The following SOX5 variants were observed in gnomAD, a reference collection of about 807,000 sequenced individuals.
SOX5 encodes the protein SRY-box transcription factor 5, also known as transcription factor SOX-5.
In SOX5, 9 loss-of-function variants were observed where a neutral mutation model predicts 92.0. The ratio of observed to expected loss-of-function variants is 0.10; its 90% confidence interval spans 0.06 to 0.17. The LOEUF is 0.17. Ranked by LOEUF, SOX5 falls within the 10% of genes least tolerant of loss-of-function variation. The probability of loss-of-function intolerance (pLI) is 1.00; values close to 1 mark genes in which losing one functional copy is unlikely to be tolerated. For synonymous variants in SOX5, 344 were observed against 336.3 expected, an observed-to-expected ratio of 1.02 and a Z score of -0.25; for missense variants, 642 against 944.5, an observed-to-expected ratio of 0.68 and a Z score of 4.20.
intron 1 of SOX5, among the ~76,000 whole-genome samples, chr12:24,407,039 G>A (rs17508852): frequency 0.094 from 14,293 of 152,024 alleles, 851 homozygotes; most frequent in Non-Finnish European, 0.12. Context: ...AAAGGATCTC[G>A]TGCCATAGCA....
chr12:23,908,750 A>G (rs1402122994), intron 1 of SOX5, among the ~76,000 whole-genome samples: 1 of 152,050 alleles, frequency 6.6e-6, no homozygotes, highest in African/African-American at 2.4e-5. Flanking sequence ...TATCAACCCA[A>G]ACTCCAAAAC....
rs773810060 is a variant in SOX5, at chr12:24,224,236, C to T, written c.-76-10819G>A. On this transcript the variant is annotated intron_variant, in intron 3 of 4. Transcript: ENST00000446891. ...TGTGCCGCTTCACTCAATTAGTGGA[C>T]GAGGCTTTTAATGCTGCTCTGCACA... 2.6e-5 allele frequency among the ~76,000 whole-genome samples: 4 copies of T among 152,118 alleles called. No individual in the cohort carries two copies. In the East Asian group the frequency reaches 7.7e-4, roughly 29 times the overall value.
intron 3 of SOX5, among the ~76,000 whole-genome samples, chr12:23,784,108 T>C (rs1594390535): frequency 2.0e-5 from 3 of 152,040 alleles, no homozygotes; most frequent in African/African-American, 7.2e-5. Flanking sequence ...AATATTATGA[T>C]GACGAGAAAG....
chr12:24,180,731 T>G (rs1045965024), intron 4 of SOX5, among the ~76,000 whole-genome samples: 1 of 152,228 alleles, frequency 6.6e-6, no homozygotes, highest in African/African-American at 2.4e-5. Context: ...AAACATCTAT[T>G]TCACAAAATA....
intron 1 of SOX5, among the ~76,000 whole-genome samples, chr12:24,381,930 T>C (rs1188534878): frequency 6.6e-6 from 1 of 152,226 alleles, no homozygotes; most frequent in African/African-American, 2.4e-5. Context: ...ATGTACATTA[T>C]TTATGACTTC....
At chr12:24,400,648 T>C (rs1353898804) in intron 1 of SOX5, among the ~76,000 whole-genome samples, 1 of 152,192 alleles carries the variant, frequency 6.6e-6, no homozygotes, top group Non-Finnish European at 1.5e-5. Flanking sequence ...AGTCTCCTTA[T>C]CTAAATAGAC....
intron 2 of SOX5, among the ~76,000 whole-genome samples, chr12:23,868,590 C>T (rs188422320): frequency 6.6e-6 from 1 of 152,154 alleles, no homozygotes; most frequent in East Asian, 1.9e-4. Flanking sequence ...ATTGTCTGGT[C>T]TTAATTCACA....
At chr12:23,588,092 T>A (rs1950997213) in intron 9 of SOX5, among the ~76,000 whole-genome samples, 1 of 152,106 alleles carries the variant, frequency 6.6e-6, no homozygotes, top group Admixed American at 6.6e-5. Flanking sequence ...GATGACTATT[T>A]ATACAGAATG....
intron 7 of SOX5, among the ~76,000 whole-genome samples, chr12:23,643,602 C>G (rs1285139069): frequency 6.6e-6 from 1 of 152,174 alleles, no homozygotes; most frequent in Non-Finnish European, 1.5e-5. Context: ...GATGTACTAA[C>G]ATTTATACTC....
At chr12:23,693,117 T>A (rs368892967) in intron 6 of SOX5, among the ~76,000 whole-genome samples, 1 of 152,052 alleles carries the variant, frequency 6.6e-6, no homozygotes, top group Admixed American at 6.6e-5. Context: ...TTTTAATTAT[T>A]TTATTATTGT....
chr12:24,116,652 A>C (rs951873380), intron 4 of SOX5, among the ~76,000 whole-genome samples: 2 of 152,094 alleles, frequency 1.3e-5, no homozygotes, highest in South Asian at 4.1e-4. Context: ...GTCCTTCTGA[A>C]TTTTATTCAT....
intron 1 of SOX5, among the ~76,000 whole-genome samples, chr12:23,939,857 A>C (rs1943287469): frequency 6.6e-6 from 1 of 151,106 alleles, no homozygotes; most frequent in Non-Finnish European, 1.5e-5. Flanking sequence ...ATGCATATCA[A>C]ATTGGCTGGC....
chr12:24,550,074 T>C (rs371744944), intron 1 of SOX5, among the ~76,000 whole-genome samples: 4 of 152,260 alleles, frequency 2.6e-5, no homozygotes, highest in African/African-American at 9.6e-5. Flanking sequence ...GTTTCAGCTA[T>C]GCCGTTTGCT....
rs762446926 is a variant in SOX5 at position 23,530,021 on chromosome 12, C to T, written c.*4198G>A. 2.6e-5 allele frequency: 4 copies of T among 152,162 alleles called. No individual in the cohort carries two copies. The highest frequency in any genetic ancestry group is 1.9e-4 in the East Asian group (1 of 5,190). 9.4% of individuals were successfully genotyped at this position (152,162 alleles called of 1,614,324 possible). ...TCAATCAGTAGGAAACTCAACACAT[C>T]GTCTTCAACCTGGGAAGTTGATAGT... On this transcript the variant is annotated 3_prime_UTR_variant, in exon 15 of 15. Coordinates refer to ENST00000451604, the MANE Select transcript of SOX5 (RefSeq NM_006940.6).
At chr12:23,908,906 T>C (rs913827607) in intron 1 of SOX5, among the ~76,000 whole-genome samples, 10 of 152,314 alleles carry the variant, frequency 6.6e-5, no homozygotes, top group African/African-American at 2.4e-4. Flanking sequence ...ACTCATTTTA[T>C]GTCTTAACTG....
chr12:24,485,595 T>C (rs946156997), intron 1 of SOX5, among the ~76,000 whole-genome samples: 2 of 152,110 alleles, frequency 1.3e-5, no homozygotes, highest in Admixed American at 1.3e-4. Context: ...CCCTTCCCAT[T>C]TGTTGTGATG....
chr12:23,903,352 A>C (rs1357949664), intron 1 of SOX5, among the ~76,000 whole-genome samples: 2 of 152,180 alleles, frequency 1.3e-5, no homozygotes, highest in African/African-American at 4.8e-5. Context: ...TAGGAGACCA[A>C]GGCAGGAAGA....
At chr12:23,860,246 G>A (rs1255434262) in intron 2 of SOX5, among the ~76,000 whole-genome samples, 3 of 151,566 alleles carry the variant, frequency 2.0e-5, no homozygotes, top group Non-Finnish European at 2.9e-5. Context: ...AAACCTCCAT[G>A]ACATGTGTTT....
intron 6 of SOX5, among the ~76,000 whole-genome samples, chr12:23,666,484 T>C (rs2083829763): frequency 6.6e-6 from 1 of 152,184 alleles, no homozygotes; most frequent in Admixed American, 6.6e-5. Context: ...TAACTAGAGA[T>C]TTGTCACTAA....
Sources: allele counts gnomAD v4.1 joint callset (sites outside exome capture counted in the v4.1 genomes callset), GRCh38; gene constraint gnomAD v4.1.1; transcripts MANE v1.5; gene names NCBI Gene and HGNC (gene_info 2026-07-23, HGNC 2026-07-21).